PRP4K: variants seen among roughly 807,000 people sequenced by gnomAD.
The protein encoded by PRP4K is pre-mRNA processing factor kinase PRP4K, also known as serine/threonine-protein kinase PRP4 homolog.
the PRP4K span, among the ~76,000 whole-genome samples, chr6:4,040,452 T>A: frequency 6.6e-6 from 1 of 152,178 alleles, no homozygotes; most frequent in Non-Finnish European, 1.5e-5. Context: ...CAGTAGGTAT[T>A]TATCCCCATA....
At chr6:4,028,407 A>G in the PRP4K span, among the ~76,000 whole-genome samples, 1 of 152,006 alleles carries the variant, frequency 6.6e-6, no homozygotes, top group Admixed American at 6.5e-5. Flanking sequence ...GGATCTCACC[A>G]TGGTCCCCAG....
the PRP4K span, chr6:4,056,826 T>TC: frequency 8.6e-7 from 1 of 1,158,768 alleles, no homozygotes; most frequent in Non-Finnish European, 1.2e-6. Flanking sequence ...TTTAAGTTCC[T>TC]CCCCTACACC....
At chr6:4,035,890 G>A in the PRP4K span, among the ~76,000 whole-genome samples, 6 of 151,992 alleles carry the variant, frequency 3.9e-5, no homozygotes, top group African/African-American at 1.5e-4. Context: ...TCTTGAAGCC[G>A]GGAGACAGAG....
the PRP4K span, among the ~76,000 whole-genome samples, chr6:4,048,252 G>T: frequency 7.2e-5 from 11 of 152,008 alleles, no homozygotes; most frequent in African/African-American, 2.7e-4. Context: ...GGTGGCGGGC[G>T]CCTGTAGTCC....
At chr6:4,036,909 C>CT in the PRP4K span, among the ~76,000 whole-genome samples, 172 of 149,866 alleles carry the variant, frequency 1.1e-3, no homozygotes, top group Non-Finnish European at 2.3e-3. Context: ...TTGCCTCAGC[C>CT]TGGGAGGTCA....
chr6:4,043,391 A>G, the PRP4K span, among the ~76,000 whole-genome samples: 2 of 152,272 alleles, frequency 1.3e-5, no homozygotes, highest in South Asian at 2.1e-4. Context: ...CCTTGGGGCC[A>G]TATGTGCTTT....
At chr6:4,056,914 A>T in the PRP4K span, 1 of 1,124,868 alleles carries the variant, frequency 8.9e-7, no homozygotes, top group Non-Finnish European at 1.2e-6. Flanking sequence ...TGTCAAACTA[A>T]GGCATGAAGA....
At chr6:4,037,409 AGAT>A in the PRP4K span, 31 of 1,609,114 alleles carry the variant, frequency 1.9e-5, no homozygotes, top group Non-Finnish European at 2.5e-5. Context: ...CACGACCTCG[AGAT>A]GATATCCTCA....
At chr6:4,058,627 G>C in the PRP4K span, 6 of 887,634 alleles carry the variant, frequency 6.8e-6, no homozygotes, top group Admixed American at 1.2e-4. Flanking sequence ...AACCTACAGA[G>C]ACTAAATAAC....
the PRP4K span, among the ~76,000 whole-genome samples, chr6:4,023,935 T>G: frequency 3.9e-5 from 6 of 151,906 alleles, no homozygotes; most frequent in Non-Finnish European, 8.8e-5. Context: ...GGTGCGATCT[T>G]GGCTCACTGA....
At chr6:4,053,976 A>C in the PRP4K span, among the ~76,000 whole-genome samples, 1 of 151,820 alleles carries the variant, frequency 6.6e-6, no homozygotes, top group South Asian at 2.1e-4. Context: ...GTGGTGCCAT[A>C]ATGGCTCACT....
the PRP4K span, chr6:4,056,364 C>T: frequency 2.5e-6 from 4 of 1,613,974 alleles, no homozygotes; most frequent in Non-Finnish European, 3.4e-6. Context: ...GATTTTGGGT[C>T]GGCTTCACAT....
the PRP4K span, among the ~76,000 whole-genome samples, chr6:4,040,154 A>G: frequency 6.7e-6 from 1 of 150,000 alleles, no homozygotes; most frequent in Non-Finnish European, 1.5e-5. Context: ...TGCTGAGATT[A>G]TATGTGTGTA....
At chr6:4,058,613 A>G in the PRP4K span, 4 of 813,304 alleles carry the variant, frequency 4.9e-6, no homozygotes, top group Non-Finnish European at 7.9e-6. Context: ...TCTGAGATCA[A>G]ACAAACCTAC....
At chr6:4,038,449 C>CT in the PRP4K span, among the ~76,000 whole-genome samples, 982 of 144,164 alleles carry the variant, frequency 6.8e-3, 6 homozygotes, top group African/African-American at 0.018. Flanking sequence ...CCATGCCCAG[C>CT]TTTTTTTTTT....
chr6:4,048,127 C>G, the PRP4K span, among the ~76,000 whole-genome samples: 2 of 151,944 alleles, frequency 1.3e-5, no homozygotes, highest in Non-Finnish European at 2.9e-5. Flanking sequence ...GCCTGTAATC[C>G]CAGCACTTTG....
the PRP4K span, among the ~76,000 whole-genome samples, chr6:4,024,727 C>G: frequency 3.3e-5 from 5 of 152,018 alleles, no homozygotes; most frequent in African/African-American, 1.2e-4. Flanking sequence ...CTCTGTCTCC[C>G]GAGTAGCTGG....
chr6:4,029,314 T>A, the PRP4K span, among the ~76,000 whole-genome samples: 1 of 150,072 alleles, frequency 6.7e-6, no homozygotes, highest in Non-Finnish European at 1.5e-5. Flanking sequence ...AATTCCTTAC[T>A]CATTCTCTAG....
chr6:4,062,430 T>C, the PRP4K span: 8 of 152,652 alleles, frequency 5.2e-5, no homozygotes, highest in African/African-American at 1.9e-4. The surrounding 1 kb of genome is among the most constrained non-coding windows in gnomAD (Gnocchi z 4.2). Context: ...TTCAGAAATA[T>C]ATGTAATCTT....
Sources: gnomAD v4.1 joint callset for allele counts (sites outside exome capture counted in the v4.1 genomes callset) on GRCh38, gnomAD v4.1.1 for gene constraint, Gnocchi (gnomAD v3.1) non-coding constraint, MANE v1.5 for transcripts, NCBI Gene and HGNC (gene_info 2026-07-23, HGNC 2026-07-21) for gene names.